The following BTBD9 variants were observed in gnomAD, a reference collection of about 807,000 sequenced individuals.
BTBD9 encodes the protein BTB/POZ domain-containing protein 9.
Under a neutral mutation model 64.3 loss-of-function variants are expected in BTBD9, and 49 were observed. The ratio of observed to expected loss-of-function variants is 0.76; its 90% CI spans 0.61 to 0.97. The LOEUF is 0.97. BTBD9 is among the 50% of genes least tolerant of loss of function. The pLI is 0.00. For synonymous variants in BTBD9, 260 were observed against 274.7 expected, an observed-to-expected ratio of 0.95 and a Z score of 0.53; for missense variants, 598 against 762.1, an observed-to-expected ratio of 0.78 and a Z score of 2.53.
intron 6 of BTBD9, among the ~76,000 whole-genome samples, chr6:38,501,084 T>A (rs1562267486): frequency 1.3e-5 from 2 of 152,236 alleles, no homozygotes; most frequent in Non-Finnish European, 2.9e-5. Context: ...TTGCTTTTTG[T>A]TCACTTTCTC....
chr6:38,416,501 ATTTT>A (rs70981549), intron 6 of BTBD9, among the ~76,000 whole-genome samples: 2 of 86,768 alleles, frequency 2.3e-5, no homozygotes, highest in Non-Finnish European at 4.4e-5. Context: ...TGCCCAGCTA[ATTTT>A]TTTTTTTTTT....
In BTBD9 at chr6:38,168,772, C is replaced by T. The variant is rs757771786; in HGVS notation, c.*6213G>A. On this transcript the variant is annotated 3_prime_UTR_variant, in exon 11 of 11. Coordinates refer to ENST00000481247, the MANE Select transcript of BTBD9 (RefSeq NM_001099272.2). ...CCCAGAAACGCCAAAGGCTGGGAGG[C>T]TCTTGTTCTCTGGTGAATCCGGATT... 1.3e-5 allele frequency: 2 copies of T among 152,228 alleles called. No individual in the cohort carries two copies. 9.4% of individuals were successfully genotyped at this position (152,228 alleles called of 1,614,324 possible). A position where few individuals can be genotyped will look rare whatever the true frequency, so the allele number is the denominator to read the frequency against.
intron 6 of BTBD9, among the ~76,000 whole-genome samples, chr6:38,531,912 C>G (rs943638406): frequency 6.6e-6 from 1 of 152,160 alleles, no homozygotes; most frequent in Non-Finnish European, 1.5e-5. Context: ...TGATTACCCC[C>G]ACTCCTGCTC....
chr6:38,344,489 G>C (rs767387975), intron 7 of BTBD9, among the ~76,000 whole-genome samples: 1 of 152,150 alleles, frequency 6.6e-6, no homozygotes, highest in Non-Finnish European at 1.5e-5. Flanking sequence ...AGGCACTTTT[G>C]TGAGTTGAAC....
At chr6:38,202,910 A>C (rs1388046858) in intron 9 of BTBD9, among the ~76,000 whole-genome samples, 2 of 152,244 alleles carry the variant, frequency 1.3e-5, no homozygotes, top group African/African-American at 4.8e-5. Context: ...TAGAGTGATA[A>C]GGTAATCTGT....
At chr6:38,482,614 T>A (rs1771208639) in intron 6 of BTBD9, 1 of 152,188 alleles carries the variant, frequency 6.6e-6, no homozygotes, top group Non-Finnish European at 1.5e-5. Context: ...TGTCATTCCT[T>A]CAACTCAGTT....
intron 8 of BTBD9, among the ~76,000 whole-genome samples, chr6:38,271,227 G>A (rs2127543984): frequency 6.6e-6 from 1 of 152,242 alleles, no homozygotes; most frequent in Admixed American, 6.5e-5. Flanking sequence ...GGTCAGAGTT[G>A]GGGAATGAAG....
In BTBD9 at chr6:38,389,487, G is replaced by A. The variant is rs1327257595; in HGVS notation, c.1155-44394C>T. Reference sequence around the variant, plus strand: ...ACCTGCACTACACATACAGCCCCATGCTGGATGGCGTTGGGTGTTCACTTT... The same window carrying A: ...ACCTGCACTACACATACAGCCCCATACTGGATGGCGTTGGGTGTTCACTTT... On this transcript the variant is annotated intron_variant, in intron 6 of 10. Transcript: ENST00000481247. Among the ~76,000 whole-genome samples the A allele has an allele frequency of 2.0e-5, 3 of 152,212 alleles. No individual in the cohort carries two copies. The East Asian group carries it at 5.8e-4, about 29-fold the overall frequency.
intron 6 of BTBD9, among the ~76,000 whole-genome samples, chr6:38,428,040 G>A (rs1236378062): frequency 6.6e-6 from 1 of 151,864 alleles, no homozygotes; most frequent in Non-Finnish European, 1.5e-5. Context: ...AGGTAAGCAG[G>A]CCCCTTCAAA....
At chr6:38,192,164 C>T (rs971475937) in intron 10 of BTBD9, among the ~76,000 whole-genome samples, 2 of 152,188 alleles carry the variant, frequency 1.3e-5, no homozygotes, top group African/African-American at 2.4e-5. Context: ...GCCTGCTAGA[C>T]GCCACGCTCA....
chr6:38,345,483 C>T (rs1259662856), intron 6 of BTBD9, among the ~76,000 whole-genome samples: 2 of 152,230 alleles, frequency 1.3e-5, no homozygotes, highest in Non-Finnish European at 2.9e-5. Context: ...CACATGTGCA[C>T]AAGCAAATGC....
At chr6:38,196,251 T>C (rs1762271470) in intron 9 of BTBD9, among the ~76,000 whole-genome samples, 1 of 152,234 alleles carries the variant, frequency 6.6e-6, no homozygotes, top group South Asian at 2.1e-4. Flanking sequence ...GCTTAGCCTC[T>C]CTAGGCTGCA....
intron 6 of BTBD9, among the ~76,000 whole-genome samples, chr6:38,428,558 C>T (rs759018461): frequency 6.6e-6 from 1 of 151,698 alleles, no homozygotes; most frequent in Non-Finnish European, 1.5e-5. Context: ...GGGTCCATGA[C>T]TTGTTTCTCT....
intron 8 of BTBD9, among the ~76,000 whole-genome samples, chr6:38,276,421 T>C (rs543241743): frequency 6.6e-6 from 1 of 151,808 alleles, no homozygotes; most frequent in Admixed American, 6.6e-5. Flanking sequence ...ATGGGTGCAG[T>C]ACACCGACAT....
chr6:38,259,551 C>T (rs1764720760), intron 8 of BTBD9, among the ~76,000 whole-genome samples: 1 of 152,134 alleles, frequency 6.6e-6, no homozygotes, highest in Middle Eastern at 3.2e-3. Flanking sequence ...TACAGGCACA[C>T]ACTACCACAC....
chr6:38,630,749 T>C (rs1778335292), intron 1 of BTBD9, among the ~76,000 whole-genome samples: 1 of 152,202 alleles, frequency 6.6e-6, no homozygotes, highest in African/African-American at 2.4e-5. Flanking sequence ...AACTGCAATA[T>C]GTTCTGAAAA....
chr6:38,211,498 T>C (rs558995229), intron 9 of BTBD9, among the ~76,000 whole-genome samples: 7 of 151,344 alleles, frequency 4.6e-5, no homozygotes, highest in South Asian at 2.1e-4. Context: ...ATCCCAGCAC[T>C]GTGAGAGGCC....
intron 1 of BTBD9, among the ~76,000 whole-genome samples, chr6:38,609,953 T>C (rs1777555159): frequency 6.6e-6 from 1 of 152,224 alleles, no homozygotes; most frequent in South Asian, 2.1e-4. Context: ...TATGCCTTTG[T>C]AACAGAAGCT....
intron 6 of BTBD9, among the ~76,000 whole-genome samples, chr6:38,445,867 G>A (rs560892524): frequency 6.6e-6 from 1 of 152,200 alleles, no homozygotes; most frequent in African/African-American, 2.4e-5. Context: ...TTATCTCTTG[G>A]CTAATATAAA....
Sources: allele counts gnomAD v4.1 joint callset (sites outside exome capture counted in the v4.1 genomes callset), GRCh38; gene constraint gnomAD v4.1.1; transcripts MANE v1.5; gene names NCBI Gene and HGNC (gene_info 2026-07-23, HGNC 2026-07-21).